KIAA0825: variants seen among roughly 807,000 people sequenced by gnomAD.
KIAA0825 encodes the protein KIAA0825.
Under a neutral mutation model 147.6 loss-of-function variants are expected in KIAA0825, and 119 were observed. That is an observed-to-expected ratio of 0.81 (90% CI 0.69 to 0.94). The LOEUF (loss-of-function observed/expected upper bound fraction) is 0.94. KIAA0825 is among the 40% of genes least tolerant of loss of function. KIAA0825 has a pLI of 0.00. For synonymous variants in KIAA0825, 470 were observed against 518.1 expected (o/e 0.91, Z 1.26); for missense variants, 1,381 against 1,472.7 (o/e 0.94, Z 1.02).
rs73145048 is a variant in KIAA0825, at chr5:94,512,958, G to A, written c.970+7290C>T. On this transcript the variant is annotated intron_variant, in intron 5 of 20. Coordinates refer to ENST00000682413, the MANE Select transcript of KIAA0825 (RefSeq NM_001145678.3). ...ATTTTAAGAGGGTAAAGCAGAAGCTGGCAAAGTTTTAGGAAGTTTAGAGAG... is the reference window on the plus strand; with the variant it reads ...ATTTTAAGAGGGTAAAGCAGAAGCTAGCAAAGTTTTAGGAAGTTTAGAGAG... 9.0e-3 allele frequency among the ~76,000 whole-genome samples: 1,364 copies of A among 152,204 alleles called. 20 individuals are homozygous for A. Among genetic ancestry groups the A allele is most frequent in the African/African-American group, 0.03 (1,230 of 41,530 alleles).
chr5:94,550,864 C>T (rs112743429), intron 2 of KIAA0825, among the ~76,000 whole-genome samples: 11,292 of 148,190 alleles, frequency 0.076, 473 homozygotes, highest in South Asian at 0.11. Flanking sequence ...AAAAGCAACA[C>T]AATAATTCTC....
chr5:94,399,048 T>C lies in KIAA0825; in HGVS notation c.2888-2539A>G, dbSNP rs555862229. The stretch of plus-strand genomic sequence containing the variant: ...TTGTAAAAACTAGATCCAACACATA[T>C]TTGAACAATCTCCTAAGACTGTTGC... On this transcript the variant is annotated intron_variant, in intron 16 of 20. Transcript: ENST00000682413. Among the ~76,000 whole-genome samples, 130 of 152,272 alleles carry C rather than the reference T, an allele frequency of 8.5e-4. 2 individuals carry two copies. The South Asian group carries it at 0.013, about 16-fold the overall frequency.
intron 20 of KIAA0825, among the ~76,000 whole-genome samples, chr5:94,314,205 T>C (rs1485948852): frequency 6.6e-6 from 1 of 151,660 alleles, no homozygotes; most frequent in Non-Finnish European, 1.5e-5. Flanking sequence ...GCAATTAATA[T>C]AACTTTTTGC....
At chr5:94,326,711 C>G (rs1381331279) in intron 20 of KIAA0825, among the ~76,000 whole-genome samples, 1 of 152,142 alleles carries the variant, frequency 6.6e-6, no homozygotes, top group Admixed American at 6.6e-5. Context: ...GGATAAAACC[C>G]GCTTCATCAA....
chr5:94,304,981 T>C (rs1017897099), intron 20 of KIAA0825, among the ~76,000 whole-genome samples: 1 of 151,974 alleles, frequency 6.6e-6, no homozygotes, highest in African/African-American at 2.4e-5. Flanking sequence ...GTTAACACCT[T>C]ATACCATAAA....
chr5:94,423,164 G>A (rs1278477235), intron 14 of KIAA0825, among the ~76,000 whole-genome samples: 3 of 152,128 alleles, frequency 2.0e-5, no homozygotes, highest in Non-Finnish European at 4.4e-5. Context: ...TTTAGGGAGT[G>A]ATTAAGTGGG....
intron 13 of KIAA0825, among the ~76,000 whole-genome samples, chr5:94,443,085 G>A (rs1449192473): frequency 3.3e-5 from 5 of 152,246 alleles, no homozygotes; most frequent in African/African-American, 9.6e-5. Flanking sequence ...CAGATGGAAA[G>A]CTGTTTGTTG....
intron 20 of KIAA0825, among the ~76,000 whole-genome samples, chr5:94,380,698 TGGCA>T (rs1748282689): frequency 1.3e-5 from 2 of 152,342 alleles, no homozygotes; most frequent in South Asian, 4.1e-4. Context: ...ATGGACAAGA[TGGCA>T]CCAGCCATGT....
At chr5:94,438,237 C>A (rs930580433) in intron 14 of KIAA0825, among the ~76,000 whole-genome samples, 7 of 152,176 alleles carry the variant, frequency 4.6e-5, no homozygotes, top group Non-Finnish European at 1.0e-4. Flanking sequence ...TAATAATTAT[C>A]TTCAATGCCA....
chr5:94,584,304 C>T (rs538889009), intron 1 of KIAA0825, among the ~76,000 whole-genome samples: 9 of 152,176 alleles, frequency 5.9e-5, no homozygotes, highest in East Asian at 1.9e-4. Flanking sequence ...AAAGGTTAGA[C>T]GAATGGCTAA....
chr5:94,203,482 G>T (rs993620694), intron 20 of KIAA0825, among the ~76,000 whole-genome samples: 3 of 152,144 alleles, frequency 2.0e-5, no homozygotes, highest in Non-Finnish European at 2.9e-5. Context: ...CACTGTGAAT[G>T]ATCATCTTTG....
intron 3 of KIAA0825, among the ~76,000 whole-genome samples, chr5:94,529,391 T>C (rs1313256086): frequency 6.8e-6 from 1 of 146,788 alleles, no homozygotes; most frequent in African/African-American, 2.5e-5. Context: ...TATATGTATA[T>C]ATCATATGTA....
At chr5:94,467,114 T>C (rs1222285418) in intron 10 of KIAA0825, among the ~76,000 whole-genome samples, 1 of 152,246 alleles carries the variant, frequency 6.6e-6, no homozygotes, top group Non-Finnish European at 1.5e-5. Context: ...ATTTCTTCCC[T>C]TAAAAGTAAA....
At position 94,484,911 on chromosome 5, in the gene KIAA0825, C is replaced by A; in HGVS notation, c.990G>T (p.Gln330His). 2 of 1,514,944 alleles carry A rather than the reference C, an allele frequency of 1.3e-6. No homozygotes were observed. Among genetic ancestry groups the A allele is most frequent in the South Asian group, 1.3e-5 (1 of 78,866 alleles). The allele number at this position is 1,514,944 out of a possible 1,614,324, so 93.8% of individuals were successfully genotyped here. ...AAGGGAGAGAGAAGTTTCTTCCTTT[C>A]TGTGGGCATTCAGTAGTAACTGTGA... is the stretch of plus-strand genomic sequence containing the variant. ...VHALVTTECP[Q>H]KGRNFSLPLD... Residue 330 changes from glutamine to histidine, a missense_variant, in exon 6 of 21, where the codon CAG becomes CAT. Coordinates refer to ENST00000682413, the MANE Select transcript of KIAA0825 (RefSeq NM_001145678.3).
chr5:94,325,079 A>T (rs1289066349), intron 20 of KIAA0825, among the ~76,000 whole-genome samples: 1 of 152,022 alleles, frequency 6.6e-6, no homozygotes, highest in Non-Finnish European at 1.5e-5. Context: ...TTTAGAGATG[A>T]TTGATTATGT....
intron 20 of KIAA0825, among the ~76,000 whole-genome samples, chr5:94,206,132 A>G (rs1352961808): frequency 6.6e-6 from 1 of 151,712 alleles, no homozygotes; most frequent in Non-Finnish European, 1.5e-5. Context: ...CTTTGTCTTT[A>G]TTTCTCAATT....
chr5:94,607,755 C>T (rs566738375), intron 1 of KIAA0825, among the ~76,000 whole-genome samples: 29 of 152,262 alleles, frequency 1.9e-4, no homozygotes, highest in African/African-American at 6.5e-4. Flanking sequence ...TGAAACAGGC[C>T]TCACAAAGCT....
At chr5:94,317,491 A>G (rs1380019544) in intron 20 of KIAA0825, among the ~76,000 whole-genome samples, 2 of 151,886 alleles carry the variant, frequency 1.3e-5, no homozygotes, top group Non-Finnish European at 2.9e-5. Flanking sequence ...AAAGCTAAAC[A>G]CACATTGTTA....
chr5:94,393,614 A>C (rs1276271666), intron 17 of KIAA0825, among the ~76,000 whole-genome samples: 1 of 152,162 alleles, frequency 6.6e-6, no homozygotes, highest in African/African-American at 2.4e-5. Context: ...GATTTAATGG[A>C]TCTTAACAGA....
Sources: gnomAD v4.1 joint callset for allele counts (sites outside exome capture counted in the v4.1 genomes callset) on GRCh38, gnomAD v4.1.1 for gene constraint, MANE v1.5 for transcripts, NCBI Gene and HGNC (gene_info 2026-07-23, HGNC 2026-07-21) for gene names.